The following GABRB1 variants were observed in gnomAD, a reference collection of about 807,000 sequenced individuals.
The protein encoded by GABRB1 is gamma-aminobutyric acid receptor subunit beta-1.
A neutral mutation model predicts 51.6 loss-of-function variants in GABRB1; 17 were observed. The ratio of observed to expected loss-of-function variants is 0.33; its 90% CI spans 0.23 to 0.49. The LOEUF (loss-of-function observed/expected upper bound fraction) is 0.49, where lower values mean the gene tolerates loss of function less well. GABRB1 is among the 20% of genes least tolerant of loss of function. The pLI is 0.99. For missense variants in GABRB1, 410 were observed against 600.6 expected, an observed-to-expected ratio of 0.68 and a Z score of 3.32; for synonymous variants, 247 against 218.9, an observed-to-expected ratio of 1.13 and a Z score of -1.14.
At chr4:47,000,690 A>G (rs1420559410) in intron 1 of GABRB1, among the ~76,000 whole-genome samples, 1 of 152,190 alleles carries the variant, frequency 6.6e-6, no homozygotes, top group East Asian at 1.9e-4. Flanking sequence ...AATTGGCTGG[A>G]GATCTCTCTT....
At chr4:47,274,118 TAAAGC>T (rs947769512) in intron 4 of GABRB1, among the ~76,000 whole-genome samples, 8 of 152,122 alleles carry the variant, frequency 5.3e-5, no homozygotes. Context: ...TCTCAACTCT[TAAAGC>T]AAGAAAAACC....
chr4:47,254,993 C>G (rs1460943646), intron 4 of GABRB1, among the ~76,000 whole-genome samples: 1 of 152,206 alleles, frequency 6.6e-6, no homozygotes, highest in East Asian at 1.9e-4. Context: ...AACCATACTA[C>G]ATTGCCTATA....
chr4:47,094,546 A>T (rs576667490), intron 3 of GABRB1, among the ~76,000 whole-genome samples: 1 of 152,220 alleles, frequency 6.6e-6, no homozygotes, highest in South Asian at 2.1e-4. Flanking sequence ...CTTACGTGTT[A>T]AGATTTACTG....
intron 4 of GABRB1, among the ~76,000 whole-genome samples, chr4:47,253,995 G>A (rs1357352409): frequency 6.6e-6 from 1 of 152,092 alleles, no homozygotes; most frequent in Admixed American, 6.6e-5. Flanking sequence ...AGCTAACAAT[G>A]CTTAAAAATA....
At chr4:47,004,758 T>C (rs994806681) in intron 1 of GABRB1, among the ~76,000 whole-genome samples, 12 of 152,370 alleles carry the variant, frequency 7.9e-5, no homozygotes, top group Admixed American at 6.5e-4. Flanking sequence ...ATACGTAGTT[T>C]ATAATCCAGA....
chr4:47,132,256 T>C (rs1259940779), intron 3 of GABRB1, among the ~76,000 whole-genome samples: 1 of 152,248 alleles, frequency 6.6e-6, no homozygotes, highest in Non-Finnish European at 1.5e-5. Context: ...AACTTTCTTA[T>C]TATTTTTCTA....
At chr4:47,314,913 A>G (rs1724830862) in intron 4 of GABRB1, among the ~76,000 whole-genome samples, 2 of 152,042 alleles carry the variant, frequency 1.3e-5, no homozygotes, top group African/African-American at 4.8e-5. Flanking sequence ...TAAATGTAAA[A>G]GAAAAACTTT....
intron 4 of GABRB1, among the ~76,000 whole-genome samples, chr4:47,288,772 C>T (rs2109918572): frequency 6.6e-6 from 1 of 152,170 alleles, no homozygotes; most frequent in Admixed American, 6.5e-5. Context: ...CTAAAATTAT[C>T]ACAACTGAGA....
chr4:47,193,348 C>G (rs1381835378), intron 4 of GABRB1, among the ~76,000 whole-genome samples: 1 of 152,144 alleles, frequency 6.6e-6, no homozygotes, highest in Non-Finnish European at 1.5e-5. Context: ...TCTGGAACTC[C>G]CGAACTCAGG....
At chr4:47,175,586 T>G (rs2109761986) in intron 4 of GABRB1, among the ~76,000 whole-genome samples, 1 of 152,296 alleles carries the variant, frequency 6.6e-6, no homozygotes, top group Admixed American at 6.5e-5. Context: ...TGGAACCTTA[T>G]ATGAAAATAA....
intron 3 of GABRB1, among the ~76,000 whole-genome samples, chr4:47,110,433 T>A (rs1160919656): frequency 6.6e-6 from 1 of 152,210 alleles, no homozygotes; most frequent in Non-Finnish European, 1.5e-5. Flanking sequence ...GTGGAAAAGA[T>A]GCACAAGCCA....
chr4:47,131,764 A>T (rs1291394269), intron 3 of GABRB1, among the ~76,000 whole-genome samples: 1 of 152,318 alleles, frequency 6.6e-6, no homozygotes, highest in Non-Finnish European at 1.5e-5. Context: ...TTCTGCATGA[A>T]TTTGTGCAAA....
chr4:47,076,194 G>T (rs571549604), intron 3 of GABRB1, among the ~76,000 whole-genome samples: 1 of 152,236 alleles, frequency 6.6e-6, no homozygotes, highest in African/African-American at 2.4e-5. Context: ...CACCTGCTAG[G>T]CCTGGTCAGC....
chr4:47,035,125 T>C (rs1265158333), intron 3 of GABRB1, among the ~76,000 whole-genome samples: 1 of 152,192 alleles, frequency 6.6e-6, no homozygotes, highest in Non-Finnish European at 1.5e-5. Context: ...GAAAATGACA[T>C]AATTGTGCAT....
At chr4:47,353,870 G>T (rs975953816) in intron 5 of GABRB1, among the ~76,000 whole-genome samples, 21 of 151,672 alleles carry the variant, frequency 1.4e-4, no homozygotes, top group Non-Finnish European at 2.9e-4. Context: ...GTTACTTCTT[G>T]GTTTTTCAGG....
chr4:47,060,865 T>G (rs6447527), intron 3 of GABRB1, among the ~76,000 whole-genome samples: 1 of 152,122 alleles, frequency 6.6e-6, no homozygotes, highest in South Asian at 2.1e-4. Context: ...ACATTATTCA[T>G]AATTGGTTGG....
chr4:47,372,896 C>T (rs1017432972), intron 5 of GABRB1, among the ~76,000 whole-genome samples: 1 of 152,158 alleles, frequency 6.6e-6, no homozygotes. Flanking sequence ...CCTTCCTCTT[C>T]TCCCTCCTCA....
intron 4 of GABRB1, among the ~76,000 whole-genome samples, chr4:47,245,058 C>G (rs1721691746): frequency 6.6e-6 from 1 of 152,048 alleles, no homozygotes; most frequent in African/African-American, 2.4e-5. Flanking sequence ...AATCCAGGAG[C>G]TGGTTTTTTG....
intron 6 of GABRB1, 25 bp from the exon 7 acceptor site, chr4:47,403,534 A>G (rs776989602): frequency 6.2e-7 from 1 of 1,613,692 alleles, no homozygotes; most frequent in Non-Finnish European, 8.5e-7. Context: ...TGGTCTGATT[A>G]CTTGTCTTTT....
Sources: gnomAD v4.1 joint callset for allele counts (sites outside exome capture counted in the v4.1 genomes callset) on GRCh38, gnomAD v4.1.1 for gene constraint, MANE v1.5 for transcripts, NCBI Gene and HGNC (gene_info 2026-07-23, HGNC 2026-07-21) for gene names.